Variants in FCMR observed in about 807,000 individuals in gnomAD.
The protein encoded by FCMR is Fc mu receptor, also known as immunoglobulin mu Fc receptor.
Under a neutral mutation model 41.6 loss-of-function variants are expected in FCMR, and 34 were observed. The observed-to-expected ratio is 0.82, with a 90% CI of 0.62 to 1.09. The LOEUF is 1.09. Ranked by LOEUF, FCMR falls within the 50% of genes least tolerant of loss-of-function variation. The probability of loss-of-function intolerance (pLI) is 0.00; values close to 1 mark genes in which losing one functional copy is unlikely to be tolerated. For synonymous variants in FCMR, 209 were observed against 211.8 expected (o/e 0.99, Z 0.12); for missense variants, 496 against 512.5 (o/e 0.97, Z 0.31).
intron 1 of FCMR, among the ~76,000 whole-genome samples, chr1:206,914,341 CCTTCCTTCCTTCCTTT>C (rs1488058630): frequency 3.3e-5 from 2 of 61,448 alleles, no homozygotes; most frequent in African/African-American, 1.2e-4. Context: ...TTCCTTCCTT[CCTTCCTTCCTTCCTTT>C]CTTTCTTTTT....
intron 7 of FCMR, chr1:206,907,591 A>T (rs1678721500): frequency 1.5e-6 from 1 of 674,216 alleles, no homozygotes; most frequent in Admixed American, 1.9e-5. Context: ...TAAACAAGGG[A>T]TTTTCTTTTC....
intron 2 of FCMR, chr1:206,913,504 C>T (rs898629624): frequency 1.8e-6 from 1 of 546,084 alleles, no homozygotes; most frequent in Non-Finnish European, 3.3e-6. Flanking sequence ...AGCCTCTACT[C>T]CCCTCATGCC....
At chr1:206,919,373 A>C (rs1004676413) in intron 1 of FCMR, among the ~76,000 whole-genome samples, 2 of 152,202 alleles carry the variant, frequency 1.3e-5, no homozygotes, top group Admixed American at 6.5e-5. Context: ...AGGCAGGCTG[A>C]TCATTTGAGT....
chr1:206,914,038 A>G lies in FCMR; in HGVS notation c.94T>C (p.Ser32Pro). The change falls in exon 2 of 8, where the codon TCA becomes CCA. Residue 32 changes from serine to proline, a missense_variant. Physicochemically the swap from Ser to Pro is moderately conservative, Grantham distance 74. Transcript: ENST00000367091. The stretch of plus-strand genomic sequence containing the variant: ...GGAAGTGGGCACTTGATGGTAACTG[A>G]TCCGCCCAGCTCCCCCTCTACCTTT... The part of the protein sequence containing the change: ...EVKVEGELGG[S>P]VTIKCPLPEM... The G allele has an allele frequency of 6.2e-7, 1 of 1,614,186 alleles. No individual in the cohort carries two copies. The highest frequency in any genetic ancestry group is 8.5e-7 in the Non-Finnish European group (1 of 1,180,048).
At chr1:206,908,018 A>G in intron 7 of FCMR, 1 of 1,395,686 alleles carries the variant, frequency 7.2e-7, no homozygotes, top group Non-Finnish European at 1.0e-6. Flanking sequence ...CTTACAAGAA[A>G]GTTTGCCTAT....
intron 3 of FCMR, 76 bp from the exon 4 acceptor site, chr1:206,912,028 T>A: frequency 9.2e-7 from 1 of 1,092,284 alleles, no homozygotes; most frequent in Non-Finnish European, 1.3e-6. Context: ...CACCACCTCT[T>A]TCCACAACAT....
Position 206,909,736 on chromosome 1 carries a change from G to A in FCMR, c.974C>T (p.Ala325Val), listed in dbSNP as rs773792868. 1.4e-5 allele frequency: 21 copies of A among 1,454,216 alleles called. No individual in the cohort carries two copies. The South Asian group carries it at 2.4e-4, about 17-fold the overall frequency. 90.1% of individuals were successfully genotyped at this position (1,454,216 alleles called of 1,614,324 possible). A position where few individuals can be genotyped will look rare whatever the true frequency, so the allele number is the denominator to read the frequency against. ...YSACPRRARG[A>V]DAAGTGEAPV... ...GCCCGGCGGCTCACCTGCAGCGTCC[G>A]CTCCACGAGCGCGCCGCGGGCAGGC... Residue 325 changes from alanine (A) to valine (V), a missense_variant, in exon 6 of 8, where the codon GCG becomes GTG. By Grantham distance (64) the Ala-to-Val change is moderately conservative. Transcript: ENST00000367091. The surrounding 1 kb of genome is among the most constrained non-coding windows in gnomAD (Gnocchi z 5.0).
chr1:206,909,722 C>A lies in FCMR; in HGVS notation c.985+3G>T. The A allele has an allele frequency of 6.9e-7, 1 of 1,446,034 alleles. No homozygotes were observed. Among genetic ancestry groups the A allele is most frequent in the Non-Finnish European group, 9.0e-7 (1 of 1,111,326 alleles). 89.6% of individuals were successfully genotyped at this position (1,446,034 alleles called of 1,614,324 possible). On this transcript the variant is annotated splice_donor_region_variant and intron_variant, in intron 6 of 7. Transcript: ENST00000367091. The surrounding 1 kb of genome is among the most constrained non-coding windows in gnomAD (Gnocchi z 5.0). ...ACTCCCCGTGGCCCGCCCGGCGGCT[C>A]ACCTGCAGCGTCCGCTCCACGAGCG... is the stretch of plus-strand genomic sequence containing the variant.
intron 7 of FCMR, chr1:206,907,923 C>G (rs1305674334): frequency 7.9e-7 from 1 of 1,264,040 alleles, no homozygotes; most frequent in African/African-American, 1.5e-5. Context: ...TGGACCACCT[C>G]AAGGTGTTTG....
Position 206,907,344 on chromosome 1 carries a change from G to C in FCMR, c.1044+2118C>G, listed in dbSNP as rs141162302. ...TTCTCTTCCTCCCTCCTGTAAGCTG[G>C]GACGTGCACACGGTCCTGGTGCCTG... is the stretch of plus-strand genomic sequence containing the variant. On this transcript the variant is annotated intron_variant, in intron 7 of 7. Transcript: ENST00000367091. Among the ~76,000 whole-genome samples the C allele has an allele frequency of 2.4e-3, 371 of 152,268 alleles. 1 individual carries two copies. The highest frequency in any genetic ancestry group is 8.5e-3 in the African/African-American group (355 of 41,554).
chr1:206,906,622 G>A (rs1678657687), intron 7 of FCMR, among the ~76,000 whole-genome samples: 1 of 152,242 alleles, frequency 6.6e-6, no homozygotes, highest in South Asian at 2.1e-4. Flanking sequence ...TGCTCCCCAT[G>A]GAAGCTATAA....
chr1:206,910,174 CAGCTCAGCTCTCCCTACCGA>C lies in FCMR; in HGVS notation c.841+16_841+35del. On this transcript the variant is annotated intron_variant, in intron 5 of 7. Coordinates refer to ENST00000367091, the MANE Select transcript of FCMR (RefSeq NM_005449.5). ...TTCTGAACGCTGTGGGCTCTTTGGG[CAGCTCAGCTCTCCCTACCGA>C]AGCCCAGCCGCTCACCTTTCCTCCT... The C allele has an allele frequency of 6.5e-7, 1 of 1,544,814 alleles. No homozygotes were observed. The highest frequency in any genetic ancestry group is 8.7e-7 in the Non-Finnish European group (1 of 1,149,796).
intron 1 of FCMR, among the ~76,000 whole-genome samples, chr1:206,916,105 G>A (rs770589721): frequency 6.6e-6 from 1 of 152,108 alleles, no homozygotes; most frequent in Non-Finnish European, 1.5e-5. Context: ...CCAAAACCAC[G>A]AGTTCTGACA....
chr1:206,917,348 A>AT (rs141041950), intron 1 of FCMR, among the ~76,000 whole-genome samples: 51 of 150,130 alleles, frequency 3.4e-4, no homozygotes, highest in African/African-American at 1.0e-3. Context: ...CGGGGCATGG[A>AT]TTTTTTTTTT....
intron 7 of FCMR, 124 bp from the exon 8 acceptor site, chr1:206,905,271 C>A: frequency 2.9e-6 from 3 of 1,048,366 alleles, no homozygotes; most frequent in Non-Finnish European, 2.8e-6. Context: ...GGCAAAGACA[C>A]AGAGATGGCT....
intron 1 of FCMR, among the ~76,000 whole-genome samples, chr1:206,916,172 A>G (rs1679182768): frequency 6.6e-6 from 1 of 152,250 alleles, no homozygotes; most frequent in South Asian, 2.1e-4. Context: ...AAATTGAGTC[A>G]TGAGGTAGCC....
At position 206,904,637 on chromosome 1, in the gene FCMR, T is replaced by G; in HGVS notation, c.*382A>C. On this transcript the variant is annotated 3_prime_UTR_variant, in exon 8 of 8. Coordinates refer to ENST00000367091, the MANE Select transcript of FCMR (RefSeq NM_005449.5). ...ACCCTGGGAAGGATGCCCGAGACAA[T>G]AGCTATGCCTCTGCCCCAGCCTGAT... is the stretch of plus-strand genomic sequence containing the variant. 1 of 231,492 alleles carries G rather than the reference T, an allele frequency of 4.3e-6. No individual in the cohort carries two copies. Among genetic ancestry groups the G allele is most frequent in the East Asian group, 9.9e-5 (1 of 10,052 alleles). 14.3% of individuals were successfully genotyped at this position (231,492 alleles called of 1,614,324 possible).
intron 4 of FCMR, 132 bp downstream of exon 4, chr1:206,911,598 C>T: frequency 1.3e-6 from 1 of 798,180 alleles, no homozygotes; most frequent in East Asian, 2.5e-5. Flanking sequence ...ATGAGCTATA[C>T]TCATAGGTGG....
chr1:206,921,149 G>A (rs74148881), intron 1 of FCMR, among the ~76,000 whole-genome samples: 363 of 152,282 alleles, frequency 2.4e-3, no homozygotes, highest in African/African-American at 8.3e-3. Flanking sequence ...AATGGATTAC[G>A]GAATTTTCAT....
Sources: allele counts gnomAD v4.1 joint callset (sites outside exome capture counted in the v4.1 genomes callset), GRCh38; gene constraint gnomAD v4.1.1; non-coding constraint Gnocchi (gnomAD v3.1); transcripts MANE v1.5; gene names NCBI Gene and HGNC (gene_info 2026-07-23, HGNC 2026-07-21).